Variants in FRAS1 observed in about 807,000 individuals in gnomAD.
The protein encoded by FRAS1 is extracellular matrix organizing protein FRAS1.
FRAS1 carries 290 observed loss-of-function variants against 435.2 expected under a neutral mutation model. The ratio of observed to expected loss-of-function variants is 0.67; its 90% CI spans 0.61 to 0.73. The LOEUF (loss-of-function observed/expected upper bound fraction) is 0.73, where lower values mean the gene tolerates loss of function less well. FRAS1 is among the 30% of genes least tolerant of loss of function. FRAS1 has a pLI of 0.00. For synonymous variants in FRAS1, 1,800 were observed against 1,851.0 expected, an observed-to-expected ratio of 0.97 and a Z score of 0.71; for missense variants, 4,860 against 5,001.5, an observed-to-expected ratio of 0.97 and a Z score of 0.85.
intron 35 of FRAS1, among the ~76,000 whole-genome samples, chr4:78,426,520 T>A (rs17003211): frequency 0.019 from 2,958 of 152,214 alleles, 96 homozygotes; most frequent in African/African-American, 0.067. Flanking sequence ...AGTTAATGAA[T>A]AAGGCAGGAA....
intron 9 of FRAS1, among the ~76,000 whole-genome samples, chr4:78,270,529 A>ACCGCCCCC (rs1264159332): frequency 6.8e-5 from 9 of 132,092 alleles, no homozygotes; most frequent in Non-Finnish European, 9.9e-5. Context: ...AATACCAGCC[A>ACCGCCCCC]CCGCCCCCCG....
intron 31 of FRAS1, among the ~76,000 whole-genome samples, chr4:78,411,781 G>A (rs958219452): frequency 1.3e-5 from 2 of 151,948 alleles, no homozygotes; most frequent in Non-Finnish European, 2.9e-5. Flanking sequence ...TTCCGCCACC[G>A]CACCCCTCCG....
chr4:78,362,659 A>G (rs980388734), intron 20 of FRAS1, among the ~76,000 whole-genome samples: 3 of 152,198 alleles, frequency 2.0e-5, no homozygotes, highest in African/African-American at 7.2e-5. Context: ...GTGGGTCCCA[A>G]GCTCTTGTCC....
At chr4:78,534,891 C>A (rs1044298027) in intron 71 of FRAS1, among the ~76,000 whole-genome samples, 1 of 152,216 alleles carries the variant, frequency 6.6e-6, no homozygotes, top group Non-Finnish European at 1.5e-5. Flanking sequence ...CATTTCCGAC[C>A]AGATTCTAGC....
At position 78,479,668 on chromosome 4, in the gene FRAS1, C is replaced by A; in HGVS notation, c.8393C>A (p.Ala2798Asp). ...GTGCTCATTAGTGGTCCCAACGATG[C>A]CTCGACTGTGTCCCTGGGCAACACG... ...AKVLISGPNDASTVSLGNTAF... is the reference protein window; with the variant it reads ...AKVLISGPNDDSTVSLGNTAF... Residue 2798 changes from alanine to aspartate, a missense_variant, in exon 56 of 74, where the codon GCC becomes GAC. Ala to Asp is a moderately radical substitution (Grantham distance 126). Coordinates refer to ENST00000512123, the MANE Select transcript of FRAS1 (RefSeq NM_025074.7). 6.2e-7 allele frequency: 1 copy of A among 1,610,290 alleles called. No homozygotes were observed. The highest frequency in any genetic ancestry group is 8.5e-7 in the Non-Finnish European group (1 of 1,177,428).
intron 14 of FRAS1, among the ~76,000 whole-genome samples, chr4:78,307,833 G>A (rs1366880543): frequency 6.6e-6 from 1 of 152,184 alleles, no homozygotes; most frequent in Non-Finnish European, 1.5e-5. Flanking sequence ...GCTCACGTTG[G>A]GAGCTGTAGG....
intron 58 of FRAS1, among the ~76,000 whole-genome samples, chr4:78,486,805 C>T (rs182380542): frequency 1.1e-3 from 163 of 149,164 alleles, no homozygotes; most frequent in Non-Finnish European, 5.2e-4. Flanking sequence ...GATGTGTCCA[C>T]TGCCTTTTCT....
chr4:78,384,005 A>T, intron 27 of FRAS1, 54 bp from the exon 28 acceptor site: 1 of 1,325,584 alleles, frequency 7.5e-7, no homozygotes, highest in African/African-American at 1.5e-5. Context: ...TTTTCTGTGT[A>T]AAGTCTAATG....
rs529138001 is a variant in FRAS1, at chr4:78,325,150, G to A, written c.2137+6164G>A. 9.2e-5 allele frequency among the ~76,000 whole-genome samples: 14 copies of A among 152,324 alleles called. No homozygotes were observed. In the South Asian group the frequency reaches 2.7e-3, roughly 29 times the overall value. Reference sequence around the variant, plus strand: ...TAGATTGGTGATGGAACTTTGGTCAGGGATTTATCAGGGGAATTTCAGCAA... The same window carrying A: ...TAGATTGGTGATGGAACTTTGGTCAAGGATTTATCAGGGGAATTTCAGCAA... On this transcript the variant is annotated intron_variant, in intron 18 of 73. Transcript: ENST00000512123.
At chr4:78,534,304 C>G (rs1721816210) in intron 70 of FRAS1, 145 bp from the exon 71 acceptor site, 4 of 574,478 alleles carry the variant, frequency 7.0e-6, no homozygotes, top group Non-Finnish European at 1.2e-5. Context: ...TTACCTTACA[C>G]ATCCCTTTAT....
chr4:78,345,826 A>C (rs2110277522), intron 20 of FRAS1, among the ~76,000 whole-genome samples: 1 of 151,952 alleles, frequency 6.6e-6, no homozygotes, highest in Non-Finnish European at 1.5e-5. Context: ...TTAGGAAAAA[A>C]GAACATGACC....
chr4:78,092,237 T>C (rs1253147050), intron 2 of FRAS1, among the ~76,000 whole-genome samples: 1 of 152,148 alleles, frequency 6.6e-6, no homozygotes, highest in Admixed American at 6.5e-5. Flanking sequence ...TACGCACAAC[T>C]CAGGTCTCTG....
chr4:78,368,144 C>CAAAAAAAA (rs11413001), intron 22 of FRAS1, among the ~76,000 whole-genome samples: 1 of 147,366 alleles, frequency 6.8e-6, no homozygotes. Context: ...AAAATTCTAG[C>CAAAAAAAA]AAAAAAAAAG....
chr4:78,307,861 C>T (rs925367921), intron 14 of FRAS1, among the ~76,000 whole-genome samples: 11 of 152,172 alleles, frequency 7.2e-5, no homozygotes, highest in Non-Finnish European at 1.3e-4. Flanking sequence ...TGTTCCTATT[C>T]GGCCATCTTG....
At chr4:78,342,705 G>A (rs1235990881) in intron 20 of FRAS1, among the ~76,000 whole-genome samples, 1 of 152,172 alleles carries the variant, frequency 6.6e-6, no homozygotes, top group Non-Finnish European at 1.5e-5. Flanking sequence ...GGGGGCGGGG[G>A]AATGTCCACA....
intron 53 of FRAS1, among the ~76,000 whole-genome samples, chr4:78,474,140 G>A (rs6817204): frequency 0.033 from 4,984 of 152,152 alleles, 284 homozygotes; most frequent in African/African-American, 0.11. Context: ...TTCTCCCCTG[G>A]CTTCTTTGGG....
intron 6 of FRAS1, among the ~76,000 whole-genome samples, chr4:78,264,284 G>A (rs1726247310): frequency 6.6e-6 from 1 of 152,186 alleles, no homozygotes; most frequent in Non-Finnish European, 1.5e-5. Context: ...AGTGGTGGTT[G>A]TGGCAGAGGT....
At chr4:78,453,289 C>T in intron 47 of FRAS1, among the ~76,000 whole-genome samples, 1 of 152,122 alleles carries the variant, frequency 6.6e-6, no homozygotes, top group Non-Finnish European at 1.5e-5. Flanking sequence ...AAAGCTTTCA[C>T]ATTTGGCCAG....
At chr4:78,151,623 A>G (rs769396643) in intron 2 of FRAS1, among the ~76,000 whole-genome samples, 3 of 152,218 alleles carry the variant, frequency 2.0e-5, no homozygotes, top group Non-Finnish European at 4.4e-5. Context: ...TGCCCTGAGT[A>G]TAAGATAGTA....
Sources: allele counts gnomAD v4.1 joint callset (sites outside exome capture counted in the v4.1 genomes callset), GRCh38; gene constraint gnomAD v4.1.1; transcripts MANE v1.5; gene names NCBI Gene and HGNC (gene_info 2026-07-23, HGNC 2026-07-21).